Variants in TOX observed in about 807,000 individuals in gnomAD.
The protein encoded by TOX is thymocyte selection-associated high mobility group box protein TOX.
In TOX, 11 loss-of-function variants were observed where a neutral mutation model predicts 53.7. The ratio of observed to expected loss-of-function variants is 0.20; its 90% CI spans 0.13 to 0.34. The LOEUF (loss-of-function observed/expected upper bound fraction) is 0.34. Among genes scored for constraint, TOX ranks in the 10% least tolerant of loss-of-function variants. The pLI is 1.00. For missense variants in TOX, 570 were observed against 664.6 expected, an observed-to-expected ratio of 0.86 and a Z score of 1.56; for synonymous variants, 225 against 245.3, an observed-to-expected ratio of 0.92 and a Z score of 0.77.
Position 58,944,501 on chromosome 8 carries a change from C to T in TOX, c.169-4957G>A, listed in dbSNP as rs533120032. Among the ~76,000 whole-genome samples the T allele has an allele frequency of 2.0e-4, 30 of 152,222 alleles. No individual in the cohort carries two copies. In the South Asian group the frequency reaches 5.8e-3, roughly 29 times the overall value. ...AGAAGGAGACAGATGTTGGACTAGG[C>T]GAGAATACGCATGACTTCTTCAGTG... On this transcript the variant is annotated intron_variant, in intron 2 of 8. Coordinates refer to ENST00000361421, the MANE Select transcript of TOX (RefSeq NM_014729.3).
chr8:59,021,479 A>AT lies in TOX; in HGVS notation c.103-61472_103-61471insA, dbSNP rs1375026046. 2.5e-3 allele frequency among the ~76,000 whole-genome samples: 162 copies of AT among 64,698 alleles called. 2 individuals are homozygous for AT. The highest frequency in any genetic ancestry group is 0.013 in the Middle Eastern group (2 of 152). 42.4% of individuals were successfully genotyped at this position (64,698 alleles called of 152,430 possible). On this transcript the variant is annotated intron_variant, in intron 1 of 8. Transcript: ENST00000361421. ...TTCTACAAGCAAAAAAAAAAAAAAA[A>AT]AAATATATATATATATATATGCACA...
chr8:58,815,923 T>C (rs961869692), intron 6 of TOX, among the ~76,000 whole-genome samples, 199 bp from the exon 7 acceptor site: 2 of 152,226 alleles, frequency 1.3e-5, no homozygotes, highest in Non-Finnish European at 2.9e-5. Flanking sequence ...TTTAGGAAAT[T>C]GAAAACAATC....
At chr8:58,988,959 A>C (rs1813388699) in intron 1 of TOX, among the ~76,000 whole-genome samples, 1 of 152,224 alleles carries the variant, frequency 6.6e-6, no homozygotes, top group South Asian at 2.1e-4. Flanking sequence ...GATTTTTGAC[A>C]AGTATTAATG....
chr8:58,894,266 C>T lies in TOX; in HGVS notation c.412-42461G>A, dbSNP rs1032264441. 5.3e-5 allele frequency among the ~76,000 whole-genome samples: 8 copies of T among 152,168 alleles called. No homozygotes were observed. In the South Asian group the frequency reaches 1.7e-3, roughly 32 times the overall value. On this transcript the variant is annotated intron_variant, in intron 3 of 8. Coordinates refer to ENST00000361421, the MANE Select transcript of TOX (RefSeq NM_014729.3). ...CCTGCTACGGCAATCTGTGCAGGTA[C>T]TGCACAAACATTGTGGTGTTTAGTT...
chr8:58,807,615 G>A lies in TOX; in HGVS notation c.*132C>T. ...TTCTTCCAGAGTGGGTGACCCACAA[G>A]CTCAAATGGTCCTAAGTGCTTAGCA... On this transcript the variant is annotated 3_prime_UTR_variant, in exon 9 of 9. Transcript: ENST00000361421. The A allele has an allele frequency of 1.1e-6, 1 of 910,402 alleles. No individual in the cohort carries two copies. The highest frequency in any genetic ancestry group is 1.8e-5 in the South Asian group (1 of 54,990). 56.4% of individuals were successfully genotyped at this position (910,402 alleles called of 1,614,324 possible). A position where few individuals can be genotyped will look rare whatever the true frequency, so the allele number is the denominator to read the frequency against.
chr8:58,990,922 C>A (rs1363181783), intron 1 of TOX, among the ~76,000 whole-genome samples: 3 of 152,194 alleles, frequency 2.0e-5, no homozygotes, highest in African/African-American at 7.2e-5. Flanking sequence ...AAAAACAGTT[C>A]CTTTGTCCAG....
In TOX at chr8:58,960,020, A is replaced by G; in HGVS notation, c.103-12T>C. 1 of 1,614,066 alleles carries G rather than the reference A, an allele frequency of 6.2e-7. No individual in the cohort carries two copies. The highest frequency in any genetic ancestry group is 8.5e-7 in the Non-Finnish European group (1 of 1,179,944). Reference sequence around the variant, plus strand: ...TTCTCACCGTCAAACTGCGAATGAAATAATAGTAAACATTCAGCAATCTTG... The same window carrying G: ...TTCTCACCGTCAAACTGCGAATGAAGTAATAGTAAACATTCAGCAATCTTG... On this transcript the variant is annotated splice_polypyrimidine_tract_variant and intron_variant, in intron 1 of 8. Coordinates refer to ENST00000361421, the MANE Select transcript of TOX (RefSeq NM_014729.3).
At chr8:58,903,495 T>C (rs1811763343) in intron 3 of TOX, among the ~76,000 whole-genome samples, 2 of 152,218 alleles carry the variant, frequency 1.3e-5, no homozygotes, top group African/African-American at 4.8e-5. Flanking sequence ...TCAGATATAG[T>C]TTTTCTCTGC....
chr8:59,075,336 C>A (rs769366032), intron 1 of TOX, among the ~76,000 whole-genome samples: 8 of 152,244 alleles, frequency 5.3e-5, no homozygotes, highest in Non-Finnish European at 1.0e-4. Flanking sequence ...ACTCTCTGAC[C>A]TTCCCCCAAA....
At chr8:59,092,284 A>ATATAT (rs1804628410) in intron 1 of TOX, among the ~76,000 whole-genome samples, 2 of 106,682 alleles carry the variant, frequency 1.9e-5, no homozygotes, top group South Asian at 2.8e-4. Context: ...TATATATATT[A>ATATAT]TATATACATT....
intron 7 of TOX, 99 bp from the exon 8 acceptor site, chr8:58,808,368 T>G: frequency 3.5e-6 from 5 of 1,414,200 alleles, no homozygotes; most frequent in Non-Finnish European, 3.7e-6. Flanking sequence ...ACTAGGCCTC[T>G]TGCTTCTGTC....
chr8:58,877,662 G>A (rs1811308691), intron 3 of TOX, among the ~76,000 whole-genome samples: 1 of 152,178 alleles, frequency 6.6e-6, no homozygotes. Flanking sequence ...TAGGTTATAT[G>A]CAGTCTCTTT....
At chr8:58,836,686 G>C (rs1810551970) in intron 5 of TOX, among the ~76,000 whole-genome samples, 1 of 152,132 alleles carries the variant, frequency 6.6e-6, no homozygotes, top group Non-Finnish European at 1.5e-5. Context: ...CAAGTTCTAT[G>C]TTTCCTTAGC....
chr8:59,034,275 T>C (rs1024729030), intron 1 of TOX, among the ~76,000 whole-genome samples: 14 of 152,256 alleles, frequency 9.2e-5, no homozygotes, highest in Non-Finnish European at 1.0e-4. Flanking sequence ...TTGAAATCTA[T>C]GCCAGTCCTA....
At chr8:58,997,392 C>A (rs1395181539) in intron 1 of TOX, among the ~76,000 whole-genome samples, 1 of 152,218 alleles carries the variant, frequency 6.6e-6, no homozygotes, top group Non-Finnish European at 1.5e-5. Context: ...CGTGCACTTG[C>A]GTCTAGGAAC....
At chr8:58,904,387 C>T (rs768432427) in intron 3 of TOX, among the ~76,000 whole-genome samples, 1 of 151,762 alleles carries the variant, frequency 6.6e-6, no homozygotes, top group East Asian at 1.9e-4. Context: ...AAATATTTGT[C>T]GTTAGATTGT....
rs546984322 is a variant in TOX at position 58,964,081 on chromosome 8, C to T, written c.103-4073G>A. 1.8e-4 allele frequency among the ~76,000 whole-genome samples: 27 copies of T among 151,806 alleles called. 1 individual carries two copies. The highest frequency in any genetic ancestry group is 1.5e-3 in the Admixed American group (23 of 15,228). On this transcript the variant is annotated intron_variant, in intron 1 of 8. Coordinates refer to ENST00000361421, the MANE Select transcript of TOX (RefSeq NM_014729.3). Reference sequence around the variant, plus strand: ...CAGATGCCCTTAAAGAGAACAACAACGACAACAACAACAAAAAAGAATAAA... The same window carrying T: ...CAGATGCCCTTAAAGAGAACAACAATGACAACAACAACAAAAAAGAATAAA...
chr8:58,914,691 G>A (rs1477384085), intron 3 of TOX, among the ~76,000 whole-genome samples: 1 of 152,154 alleles, frequency 6.6e-6, no homozygotes, highest in Admixed American at 6.5e-5. Flanking sequence ...AGAATCTCTG[G>A]GGAGGAGCCA....
chr8:58,850,622 G>A (rs62505121), intron 4 of TOX, among the ~76,000 whole-genome samples: 27,288 of 152,194 alleles, frequency 0.18, 2,761 homozygotes, highest in Non-Finnish European at 0.23. Flanking sequence ...GGCTAGCAGA[G>A]TGTCGTCTGC....
Sources: allele counts gnomAD v4.1 joint callset (sites outside exome capture counted in the v4.1 genomes callset), GRCh38; gene constraint gnomAD v4.1.1; transcripts MANE v1.5; gene names NCBI Gene and HGNC (gene_info 2026-07-23, HGNC 2026-07-21).